The following ASB17 variants were observed in gnomAD, a reference collection of about 807,000 sequenced individuals.
The protein encoded by ASB17 is ankyrin repeat and SOCS box containing 17.
In ASB17, 26 loss-of-function variants were observed where a neutral mutation model predicts 25.7. That is an observed-to-expected ratio of 1.01 (90% CI 0.74 to 1.40). The LOEUF is 1.40. Among genes scored for constraint, ASB17 ranks in the 40% most tolerant of loss-of-function variants. ASB17 has a pLI of 0.00. For synonymous variants in ASB17, 128 were observed against 121.4 expected, an observed-to-expected ratio of 1.05 and a Z score of -0.36; for missense variants, 326 against 338.5, an observed-to-expected ratio of 0.96 and a Z score of 0.29.
intron 1 of ASB17, among the ~76,000 whole-genome samples, chr1:75,930,985 A>G (rs982023016): frequency 6.6e-6 from 1 of 152,226 alleles, no homozygotes; most frequent in African/African-American, 2.4e-5. Flanking sequence ...TTTAGTAATC[A>G]TTAAGTAATG....
chr1:75,930,912 C>T (rs1653306376), intron 1 of ASB17, among the ~76,000 whole-genome samples: 1 of 152,164 alleles, frequency 6.6e-6, no homozygotes, highest in African/African-American at 2.4e-5. Context: ...ACTTAAAACA[C>T]AAAGTACCAT....
chr1:75,918,961 T>C lies in ASB17; in HGVS notation c.879A>G (p.Leu293=), dbSNP rs780600537. 1 of 1,609,564 alleles carries C rather than the reference T, an allele frequency of 6.2e-7. No individual in the cohort carries two copies. Among genetic ancestry groups the C allele is most frequent in the East Asian group, 2.2e-5 (1 of 44,702 alleles). Residue 293 remains leucine, a synonymous_variant, in exon 3 of 3, where the codon TTA becomes TTG. Transcript: ENST00000284142. ...AGGACACTGACGTATGTTAGATTTC[T>C]AAATTCAGATAGTTTTGTAGACGAG... ...IPARLQNYLN[L]EI is the part of the protein sequence containing the mutation.
At chr1:75,926,497 C>T (rs1284758874) in intron 1 of ASB17, among the ~76,000 whole-genome samples, 3 of 152,150 alleles carry the variant, frequency 2.0e-5, no homozygotes, top group South Asian at 2.1e-4. Flanking sequence ...ACGGAACCAG[C>T]GCGGCTGAAA....
In ASB17 at chr1:75,919,283, T is replaced by G. The variant is rs189216215; in HGVS notation, c.682-125A>C. 8.1e-5 allele frequency: 57 copies of G among 705,476 alleles called. No homozygotes were observed. In the African/African-American group the frequency reaches 1.1e-3, roughly 13 times the overall value. The allele number at this position is 705,476 out of a possible 1,614,324, so 43.7% of individuals were successfully genotyped here. A position where few individuals can be genotyped will look rare whatever the true frequency, so the allele number is the denominator to read the frequency against. On this transcript the variant is annotated intron_variant, in intron 2 of 2. Coordinates refer to ENST00000284142, the MANE Select transcript of ASB17 (RefSeq NM_080868.3). ...ATAAATTTATAAAACCCTTATAACT[T>G]TTTTCCAAAGCATTTTTACTTGAGG...
At chr1:75,929,325 C>T (rs111459267) in intron 1 of ASB17, among the ~76,000 whole-genome samples, 1 of 151,672 alleles carries the variant, frequency 6.6e-6, no homozygotes, top group African/African-American at 2.4e-5. Context: ...TCCGGGTTCA[C>T]GCCATTCTCC....
chr1:75,922,023 T>G, intron 2 of ASB17, 57 bp downstream of exon 2: 1 of 1,395,308 alleles, frequency 7.2e-7, no homozygotes, highest in Non-Finnish European at 9.8e-7. Flanking sequence ...TCCTTTACAG[T>G]TGAATCTTAA....
Position 75,932,163 on chromosome 1 carries a change from G to A in ASB17, c.129C>T (p.Tyr43=), listed in dbSNP as rs199681630. The change falls in exon 1 of 3, where the codon TAC becomes TAT. Residue 43 remains tyrosine, a synonymous_variant. Transcript: ENST00000284142. ...QFLGQWGYHC[Y]EPRIYRSLAK... Reference sequence around the variant, plus strand: ...CCAGTGATCTGTAAATCCTTGGTTCGTAACAGTGATATCCCCACTGACCCA... The same window carrying A: ...CCAGTGATCTGTAAATCCTTGGTTCATAACAGTGATATCCCCACTGACCCA... The A allele has an allele frequency of 6.5e-5, 105 of 1,614,100 alleles. No individual in the cohort carries two copies. The highest frequency in any genetic ancestry group is 4.7e-4 in the African/African-American group (35 of 75,034).
chr1:75,921,715 G>T (rs1350798885), intron 2 of ASB17, among the ~76,000 whole-genome samples: 1 of 152,222 alleles, frequency 6.6e-6, no homozygotes, highest in Non-Finnish European at 1.5e-5. Context: ...TATTTGTGGG[G>T]AGAAATGTAA....
chr1:75,930,980 T>C (rs2100617053), intron 1 of ASB17, among the ~76,000 whole-genome samples: 1 of 152,350 alleles, frequency 6.6e-6, no homozygotes, highest in South Asian at 2.1e-4. Flanking sequence ...TGTACTTTAG[T>C]AATCATTAAG....
rs916199865 is a variant in ASB17, at chr1:75,932,390, A to G, written c.-99T>C. On this transcript the variant is annotated 5_prime_UTR_variant, in exon 1 of 3. Transcript: ENST00000284142. ...CAATGTGGCAGGCTTTACTCCACAA[A>G]CAGAAGTGCCCTTTAAACTGTAACC... 3 of 1,102,272 alleles carry G rather than the reference A, an allele frequency of 2.7e-6. No homozygotes were observed. In the African/African-American group the frequency reaches 4.7e-5, roughly 17 times the overall value. 68.3% of individuals were successfully genotyped at this position (1,102,272 alleles called of 1,614,324 possible).
chr1:75,920,506 G>A (rs1449986881), intron 2 of ASB17, among the ~76,000 whole-genome samples: 6 of 152,148 alleles, frequency 3.9e-5, no homozygotes, highest in African/African-American at 2.4e-5. Flanking sequence ...CAAGACTCAC[G>A]GTGTAGAGGT....
In ASB17 at chr1:75,932,250, T is replaced by A; in HGVS notation, c.42A>T (p.Pro14=). The change falls in exon 1 of 3, where the codon CCA becomes CCT. Residue 14 remains proline, a synonymous_variant. Transcript: ENST00000284142. ...STKLCGKTSC[P]RSNIFCNLLD... The stretch of plus-strand genomic sequence containing the variant: ...GGAGATTGCAGAATATATTGCTTCT[T>A]GGACAAGAAGTCTTACCACATAATT... 1 of 1,613,250 alleles carries A rather than the reference T, an allele frequency of 6.2e-7. No individual in the cohort carries two copies. The highest frequency in any genetic ancestry group is 8.5e-7 in the Non-Finnish European group (1 of 1,179,592).
chr1:75,919,021 C>A lies in ASB17; in HGVS notation c.819G>T (p.Met273Ile), dbSNP rs760893938. Reference protein sequence around the residue: ...TIRNQLLTNNMLPDGIFSLLI... With the variant: ...TIRNQLLTNNILPDGIFSLLI... The stretch of plus-strand genomic sequence containing the variant: ...GAAGTGAAAATATTCCATCTGGGAG[C>A]ATATTGTTGGTTAATAGTTGATTCC... The change falls in exon 3 of 3, where the codon ATG (methionine) becomes ATT (isoleucine). Residue 273 changes from methionine to isoleucine, a missense_variant. Transcript: ENST00000284142. The A allele has an allele frequency of 1.2e-6, 2 of 1,612,746 alleles. No homozygotes were observed. Among genetic ancestry groups the A allele is most frequent in the Non-Finnish European group, 1.7e-6 (2 of 1,179,058 alleles).
chr1:75,919,393 T>TA (rs1557540217), intron 2 of ASB17, among the ~76,000 whole-genome samples: 1 of 152,060 alleles, frequency 6.6e-6, no homozygotes, highest in African/African-American at 2.4e-5. Context: ...AGTTTTTTTT[T>TA]TTATTATTAT....
chr1:75,919,713 A>C (rs1330534041), intron 2 of ASB17, among the ~76,000 whole-genome samples: 1 of 152,210 alleles, frequency 6.6e-6, no homozygotes, highest in Non-Finnish European at 1.5e-5. Context: ...AAAGGGCATG[A>C]ACTCATCCTT....
chr1:75,930,187 A>T (rs1261462549), intron 1 of ASB17, among the ~76,000 whole-genome samples: 2 of 148,496 alleles, frequency 1.3e-5, no homozygotes, highest in Non-Finnish European at 3.0e-5. Context: ...ATTTAGCTAT[A>T]TATAACCAGT....
At chr1:75,929,921 C>A (rs1168521946) in intron 1 of ASB17, among the ~76,000 whole-genome samples, 1 of 139,084 alleles carries the variant, frequency 7.2e-6, no homozygotes, top group Non-Finnish European at 1.5e-5. Context: ...GAAACAGGTG[C>A]TGTTAATCGG....
At chr1:75,930,626 G>C (rs1259317465) in intron 1 of ASB17, among the ~76,000 whole-genome samples, 2 of 152,076 alleles carry the variant, frequency 1.3e-5, no homozygotes, top group East Asian at 3.9e-4. Flanking sequence ...ATGCATCTAA[G>C]TTGAAATTGA....
chr1:75,929,865 G>A (rs1359539937), intron 1 of ASB17, among the ~76,000 whole-genome samples: 1 of 151,124 alleles, frequency 6.6e-6, no homozygotes, highest in Non-Finnish European at 1.5e-5. Context: ...GCAAAGGAAA[G>A]AATCAAGAAT....
Sources: allele counts gnomAD v4.1 joint callset (sites outside exome capture counted in the v4.1 genomes callset), GRCh38; gene constraint gnomAD v4.1.1; transcripts MANE v1.5; gene names NCBI Gene and HGNC (gene_info 2026-07-23, HGNC 2026-07-21).